NSMCE4A: variants seen among roughly 807,000 people sequenced by gnomAD.
The protein encoded by NSMCE4A is non-structural maintenance of chromosomes element 4 homolog A.
In NSMCE4A, 40 loss-of-function variants were observed where a neutral mutation model predicts 47.9. The observed-to-expected ratio is 0.83, with a 90% CI of 0.65 to 1.09. The LOEUF is 1.09. Among genes scored for constraint, NSMCE4A ranks in the 50% least tolerant of loss-of-function variants. The pLI is 0.00. For synonymous variants in NSMCE4A, 166 were observed against 178.5 expected, an observed-to-expected ratio of 0.93 and a Z score of 0.56; for missense variants, 500 against 507.0, an observed-to-expected ratio of 0.99 and a Z score of 0.13.
rs1952484346 is a variant in NSMCE4A, at chr10:121,960,859, A to G, written c.940-453T>C. On this transcript the variant is annotated intron_variant, in intron 7 of 10. Coordinates refer to ENST00000369023, the MANE Select transcript of NSMCE4A (RefSeq NM_017615.3). The surrounding 1 kb of genome is among the most constrained non-coding windows in gnomAD (Gnocchi z 4.2). ...CCTGAAGTAAGATTAAAGATAGTCTAAAGCAAATTTCCATGGTACATATCT... is the reference window on the plus strand; with the variant it reads ...CCTGAAGTAAGATTAAAGATAGTCTGAAGCAAATTTCCATGGTACATATCT... Among the ~76,000 whole-genome samples the G allele has an allele frequency of 6.6e-6, 1 of 152,208 alleles. No individual in the cohort carries two copies. Among genetic ancestry groups the G allele is most frequent in the African/African-American group, 2.4e-5 (1 of 41,458 alleles).
At chr10:121,964,057 C>G (rs11200289) in intron 5 of NSMCE4A, among the ~76,000 whole-genome samples, 2 of 144,874 alleles carry the variant, frequency 1.4e-5, no homozygotes, top group African/African-American at 5.2e-5. Context: ...GATCGCGCCA[C>G]TGCACTCCAG....
In NSMCE4A at chr10:121,967,933, C is replaced by T. The variant is rs1952638447; in HGVS notation, c.502-127G>A. ...AGCCAGCTTTCAGTGTCTTAACATG[C>T]TGGCTAAATTTCTTACTGTGAAGAT... is the stretch of plus-strand genomic sequence containing the variant. On this transcript the variant is annotated intron_variant, in intron 3 of 10. Transcript: ENST00000369023. 9.1e-6 allele frequency: 8 copies of T among 880,040 alleles called. No individual in the cohort carries two copies. In the Admixed American group the frequency reaches 2.0e-4, roughly 22 times the overall value. The allele number at this position is 880,040 out of a possible 1,614,324, so 54.5% of individuals were successfully genotyped here.
chr10:121,964,997 A>ATT (rs1489912191), intron 5 of NSMCE4A, among the ~76,000 whole-genome samples: 7 of 152,136 alleles, frequency 4.6e-5, no homozygotes, highest in African/African-American at 1.7e-4. Flanking sequence ...AGCATCCTAC[A>ATT]ATGCGCAGGA....
intron 10 of NSMCE4A, among the ~76,000 whole-genome samples, chr10:121,957,472 G>A (rs1328861969): frequency 1.6e-5 from 2 of 121,336 alleles, no homozygotes; most frequent in African/African-American, 3.3e-5. Context: ...TCGCTCTGTC[G>A]CCCAGGCTGG....
At chr10:121,972,378 C>A (rs1193849208) in intron 2 of NSMCE4A, among the ~76,000 whole-genome samples, 2 of 152,294 alleles carry the variant, frequency 1.3e-5, no homozygotes, top group South Asian at 2.1e-4. Context: ...ACCCCCTCAG[C>A]CCCGCTGTTT....
chr10:121,965,440 CTAACTT>C, intron 4 of NSMCE4A, 55 bp from the exon 5 acceptor site: 1 of 1,310,446 alleles, frequency 7.6e-7, no homozygotes. Context: ...GTTAAACAAA[CTAACTT>C]TACTAACTAA....
At chr10:121,959,810 A>G in intron 8 of NSMCE4A, 2 of 572,004 alleles carry the variant, frequency 3.5e-6, no homozygotes, top group Non-Finnish European at 6.2e-6. Context: ...AACATGTAGT[A>G]GAGTAACACA....
intron 2 of NSMCE4A, among the ~76,000 whole-genome samples, chr10:121,972,087 G>A (rs5003570): frequency 0.65 from 98,946 of 152,174 alleles, 33,340 homozygotes; most frequent in Non-Finnish European, 0.74. Context: ...TTGGGAAGCC[G>A]AGGCAGGCGG....
chr10:121,962,586 T>C lies in NSMCE4A; in HGVS notation c.844+652A>G, dbSNP rs1267865664. Among the ~76,000 whole-genome samples, 3 of 148,960 alleles carry C rather than the reference T, an allele frequency of 2.0e-5. No homozygotes were observed. The East Asian group carries it at 5.9e-4, about 30-fold the overall frequency. On this transcript the variant is annotated intron_variant, in intron 6 of 10. Transcript: ENST00000369023. ...TCACGTAGCAGAAGAATGTGCATATTATGATTAGCTTGGAAAAAAAGAAAA... is the reference window on the plus strand; with the variant it reads ...TCACGTAGCAGAAGAATGTGCATATCATGATTAGCTTGGAAAAAAAGAAAA...
Position 121,960,037 on chromosome 10 carries a change from C to G in NSMCE4A, c.988+321G>C, listed in dbSNP as rs549097176. On this transcript the variant is annotated intron_variant, in intron 8 of 10. Transcript: ENST00000369023. The surrounding 1 kb of genome is among the most constrained non-coding windows in gnomAD (Gnocchi z 4.2). ...AGAACCTCAAAGAGAAAAGAAGGTG[C>G]CGGCATCTGACAAAACGTGATTAGA... 4 of 268,262 alleles carry G rather than the reference C, an allele frequency of 1.5e-5. No homozygotes were observed. The East Asian group carries it at 3.2e-4, about 22-fold the overall frequency. The allele number at this position is 268,262 out of a possible 1,614,324, so 16.6% of individuals were successfully genotyped here.
intron 6 of NSMCE4A, among the ~76,000 whole-genome samples, chr10:121,962,984 GC>G (rs1456529293): frequency 6.6e-6 from 1 of 152,092 alleles, no homozygotes; most frequent in Non-Finnish European, 1.5e-5. Context: ...AGGTGGAACA[GC>G]TACTTTTGAC....
Position 121,974,023 on chromosome 10 carries a change from A to G in NSMCE4A, c.351T>C (p.Ala117=), listed in dbSNP as rs369670391. 42 of 1,601,030 alleles carry G rather than the reference A, an allele frequency of 2.6e-5. No individual in the cohort carries two copies. The highest frequency in any genetic ancestry group is 7.8e-5 in the South Asian group (7 of 89,694). The part of the protein sequence containing the change: ...GDKLTEVLEE[A]NTLFNEVSRA... ...AATTACCTTCATTAAACAGAGTGTT[A>G]GCCTCTTCAAGGACCTCTGTTAATT... The change falls in exon 2 of 11, where the codon GCT becomes GCC. Residue 117 remains alanine, a synonymous_variant. Transcript: ENST00000369023.
chr10:121,959,476 G>T, intron 9 of NSMCE4A, 25 bp downstream of exon 9: 1 of 1,611,670 alleles, frequency 6.2e-7, no homozygotes, highest in Non-Finnish European at 8.5e-7. Flanking sequence ...TCAGAACTAT[G>T]CAGGGGCAAC....
At chr10:121,973,306 G>A (rs979546487) in intron 2 of NSMCE4A, among the ~76,000 whole-genome samples, 1 of 152,068 alleles carries the variant, frequency 6.6e-6, no homozygotes, top group African/African-American at 2.4e-5. Context: ...CCGTCAGAGA[G>A]GGCTGGAGGG....
chr10:121,959,172 C>T (rs1275649940), intron 10 of NSMCE4A, among the ~76,000 whole-genome samples, 152 bp downstream of exon 10: 1 of 152,200 alleles, frequency 6.6e-6, no homozygotes, highest in African/African-American at 2.4e-5. Flanking sequence ...CGCAGAACCA[C>T]TATCCCTTTC....
chr10:121,968,934 A>G (rs1179348339), intron 3 of NSMCE4A, among the ~76,000 whole-genome samples: 1 of 152,216 alleles, frequency 6.6e-6, no homozygotes, highest in Non-Finnish European at 1.5e-5. Flanking sequence ...TATAGTGTCT[A>G]TATTTGATGC....
chr10:121,971,900 C>T (rs1454638419), intron 2 of NSMCE4A, among the ~76,000 whole-genome samples: 1 of 152,166 alleles, frequency 6.6e-6, no homozygotes, highest in Non-Finnish European at 1.5e-5. Flanking sequence ...TCACAGGCAA[C>T]CCCAGCAAAG....
At chr10:121,965,139 A>G (rs766615444) in intron 5 of NSMCE4A, 147 bp downstream of exon 5, 8 of 609,996 alleles carry the variant, frequency 1.3e-5, no homozygotes, top group Non-Finnish European at 2.3e-5. Flanking sequence ...TAAAATGCTT[A>G]AAGGCTTAAA....
rs548999540 is a variant in NSMCE4A at position 121,961,743 on chromosome 10, C to T, written c.845-226G>A. 1.9e-5 allele frequency: 8 copies of T among 427,990 alleles called. No individual in the cohort carries two copies. In the East Asian group the frequency reaches 3.2e-4, roughly 17 times the overall value. The allele number at this position is 427,990 out of a possible 1,614,324, so 26.5% of individuals were successfully genotyped here. A position where few individuals can be genotyped will look rare whatever the true frequency, so the allele number is the denominator to read the frequency against. ...CTGTGCTACAGAAATACAAGTGTAACTGCACAAAATTACATACTAAGATTT... is the reference window on the plus strand; with the variant it reads ...CTGTGCTACAGAAATACAAGTGTAATTGCACAAAATTACATACTAAGATTT... On this transcript the variant is annotated intron_variant, in intron 6 of 10. Coordinates refer to ENST00000369023, the MANE Select transcript of NSMCE4A (RefSeq NM_017615.3).
Sources: allele counts gnomAD v4.1 joint callset (sites outside exome capture counted in the v4.1 genomes callset), GRCh38; gene constraint gnomAD v4.1.1; non-coding constraint Gnocchi (gnomAD v3.1); transcripts MANE v1.5; gene names NCBI Gene and HGNC (gene_info 2026-07-23, HGNC 2026-07-21).